Variants in LCORL observed in about 807,000 individuals in gnomAD.
LCORL encodes the protein ligand dependent nuclear receptor corepressor like, also known as ligand-dependent nuclear receptor corepressor-like protein.
In LCORL, 41 loss-of-function variants were observed where a neutral mutation model predicts 141.8. That is an observed-to-expected ratio of 0.29 (90% confidence interval 0.23 to 0.38). LCORL has a LOEUF of 0.38. Among genes scored for constraint, LCORL ranks in the 10% least tolerant of loss-of-function variants. LCORL has a pLI of 1.00. For missense variants in LCORL, 1,759 were observed against 2,035.0 expected (o/e 0.86, Z 2.61); for synonymous variants, 618 against 694.1 (o/e 0.89, Z 1.72).
intron 6 of LCORL, chr4:17,881,147 C>G: frequency 1.2e-5 from 12 of 980,774 alleles, no homozygotes; most frequent in Non-Finnish European, 1.5e-5. Flanking sequence ...GCACTGTTTT[C>G]TCTTTTCCTT....
At chr4:17,961,119 T>C (rs1174222353) in intron 4 of LCORL, among the ~76,000 whole-genome samples, 1 of 152,090 alleles carries the variant, frequency 6.6e-6, no homozygotes, top group Non-Finnish European at 1.5e-5. Context: ...ATGATGACAA[T>C]ATGGTAATGT....
intron 1 of LCORL, among the ~76,000 whole-genome samples, chr4:17,991,154 T>G (rs921237253): frequency 9.9e-5 from 15 of 152,266 alleles, no homozygotes; most frequent in African/African-American, 3.6e-4. Flanking sequence ...TTAGTCCTAG[T>G]TTACCTAGCA....
At chr4:17,962,249 T>C (rs1713957855) in intron 3 of LCORL, among the ~76,000 whole-genome samples, 1 of 144,534 alleles carries the variant, frequency 6.9e-6, no homozygotes, top group Admixed American at 6.9e-5. Flanking sequence ...TTAGCAAAAC[T>C]ACAGTCAAAA....
At chr4:17,988,856 G>C (rs1208173982) in intron 1 of LCORL, among the ~76,000 whole-genome samples, 2 of 152,030 alleles carry the variant, frequency 1.3e-5, no homozygotes, top group Non-Finnish European at 2.9e-5. Flanking sequence ...ATGGTGGTGT[G>C]CGCCTGTAAT....
chr4:17,960,419 A>G (rs770881990), intron 4 of LCORL: 1 of 154,272 alleles, frequency 6.5e-6, no homozygotes, highest in Non-Finnish European at 1.5e-5. Context: ...AATTCTAGTT[A>G]TTACCATTAC....
At chr4:17,935,014 T>C (rs1224318397) in intron 4 of LCORL, among the ~76,000 whole-genome samples, 1 of 152,124 alleles carries the variant, frequency 6.6e-6, no homozygotes, top group Non-Finnish European at 1.5e-5. Flanking sequence ...CAATATGTAG[T>C]TTCATAGAGA....
At chr4:17,895,798 A>G (rs1007466967) in intron 5 of LCORL, among the ~76,000 whole-genome samples, 2 of 152,118 alleles carry the variant, frequency 1.3e-5, no homozygotes, top group Non-Finnish European at 2.9e-5. Flanking sequence ...ATAGAATCAT[A>G]TATTTGGTCT....
chr4:17,896,404 C>T (rs563146893), intron 5 of LCORL, among the ~76,000 whole-genome samples: 43 of 152,272 alleles, frequency 2.8e-4, no homozygotes, highest in African/African-American at 1.0e-3. Context: ...CTGTTTCAGC[C>T]TCCCAAATAG....
chr4:17,849,113 A>G (rs1463796658), intron 7 of LCORL, among the ~76,000 whole-genome samples: 1 of 152,246 alleles, frequency 6.6e-6, no homozygotes, highest in East Asian at 1.9e-4. Flanking sequence ...GGCACAGACA[A>G]ACAAAAAGAC....
chr4:17,949,447 C>A (rs569657375), intron 4 of LCORL, among the ~76,000 whole-genome samples: 4 of 152,188 alleles, frequency 2.6e-5, no homozygotes, highest in African/African-American at 9.6e-5. Flanking sequence ...TATTTGCCAA[C>A]CTTGGCCCTC....
intron 4 of LCORL, among the ~76,000 whole-genome samples, chr4:17,947,532 A>G (rs978290846): frequency 6.6e-6 from 1 of 151,918 alleles, no homozygotes; most frequent in African/African-American, 2.4e-5. Flanking sequence ...ATACCTTTCA[A>G]AATCACTAAG....
At chr4:17,972,043 T>C (rs138695515) in intron 2 of LCORL, among the ~76,000 whole-genome samples, 2 of 151,886 alleles carry the variant, frequency 1.3e-5, no homozygotes, top group East Asian at 1.9e-4. Flanking sequence ...CCAAGGACAC[T>C]TCTCCTTTGA....
chr4:17,983,904 T>C (rs560171821), intron 1 of LCORL, among the ~76,000 whole-genome samples: 46 of 152,290 alleles, frequency 3.0e-4, no homozygotes, highest in African/African-American at 1.1e-3. Context: ...GGCTGTGAGT[T>C]TGTCATATGT....
exon 7 of LCORL, chr4:17,877,998 T>C (rs534768393): frequency 8.1e-6 from 10 of 1,230,590 alleles, no homozygotes; most frequent in African/African-American, 4.7e-5. Context: ...ACCACATAAA[T>C]CATCTTCGAT....
chr4:17,859,545 T>C (rs1724755628), intron 7 of LCORL, among the ~76,000 whole-genome samples: 1 of 152,242 alleles, frequency 6.6e-6, no homozygotes. Context: ...AGATATGGGA[T>C]AGAAATCTGG....
intron 1 of LCORL, among the ~76,000 whole-genome samples, chr4:18,012,657 A>G (rs2109879188): frequency 6.6e-6 from 1 of 152,088 alleles, no homozygotes; most frequent in South Asian, 2.1e-4. Context: ...CAGTAACTTG[A>G]TTAGGAAACT....
intron 1 of LCORL, among the ~76,000 whole-genome samples, chr4:18,008,347 A>G (rs2109858805): frequency 6.6e-6 from 1 of 152,212 alleles, no homozygotes; most frequent in South Asian, 2.1e-4. Context: ...GTTCTCTCTC[A>G]CTCCAGGACA....
chr4:17,842,822 A>G (rs1412305041), exon 8 of LCORL: 1 of 166,224 alleles, frequency 6.0e-6, no homozygotes, highest in Non-Finnish European at 1.3e-5. Context: ...GCTGTCTTGT[A>G]TTCATTTGCA....
chr4:17,933,422 C>G (rs13104111), intron 4 of LCORL, among the ~76,000 whole-genome samples: 19,277 of 152,036 alleles, frequency 0.13, 1,363 homozygotes, highest in South Asian at 0.26. Flanking sequence ...TCATAGCTTT[C>G]TCCAAAGACT....
Sources: gnomAD v4.1 joint callset for allele counts (sites outside exome capture counted in the v4.1 genomes callset) on GRCh38, gnomAD v4.1.1 for gene constraint, MANE v1.5 for transcripts, NCBI Gene and HGNC (gene_info 2026-07-23, HGNC 2026-07-21) for gene names.